Variants in DAG1 observed in about 807,000 individuals in gnomAD.
DAG1 encodes dystroglycan 1 (dystrophin-associated glycoprotein 1).
In DAG1, 8 loss-of-function variants were observed where a neutral mutation model predicts 46.1. The observed-to-expected ratio is 0.17, with a 90% CI of 0.10 to 0.31. The LOEUF (loss-of-function observed/expected upper bound fraction) is 0.31, where lower values mean the gene tolerates loss of function less well. DAG1 is among the 10% of genes least tolerant of loss of function. The pLI is 1.00. For missense variants in DAG1, 1,003 were observed against 1,189.9 expected, an observed-to-expected ratio of 0.84 and a Z score of 2.31; for synonymous variants, 495 against 481.8, an observed-to-expected ratio of 1.03 and a Z score of -0.36.
intron 1 of DAG1, among the ~76,000 whole-genome samples, chr3:49,479,803 A>G (rs2049816810): frequency 1.4e-5 from 2 of 145,042 alleles, no homozygotes; most frequent in African/African-American, 5.1e-5. Flanking sequence ...ACACCCGGCT[A>G]ATTTTTTTTT....
chr3:49,528,275 A>ATTTTTTTTTTTTTTTTTTTTTTTTTTTTT lies in DAG1; in HGVS notation c.286-2495_286-2494insTTTTTTTTTTTTTTTTTTTTTTTTTTTTT, dbSNP rs147292984. Among the ~76,000 whole-genome samples, 14 of 66,630 alleles carry ATTTTTTTTTTTTTTTTTTTTTTTTTTTTT rather than the reference A, an allele frequency of 2.1e-4. 3 individuals carry two copies. Among genetic ancestry groups the ATTTTTTTTTTTTTTTTTTTTTTTTTTTTT allele is most frequent in the African/African-American group, 4.8e-4 (7 of 14,516 alleles). 43.7% of individuals were successfully genotyped at this position (66,630 alleles called of 152,430 possible). A position where few individuals can be genotyped will look rare whatever the true frequency, so the allele number is the denominator to read the frequency against. ...CAGCCAAAACATTTGAAATAGTGTGATTTTTTTTTTTTTTTTTTTTTTTTT... is the reference window on the plus strand; with the variant it reads ...CAGCCAAAACATTTGAAATAGTGTGATTTTTTTTTTTTTTTTTTTTTTTTTTTTTTTTTTTTTTTTTTTTTTTTTTTTTT... On this transcript the variant is annotated intron_variant, in intron 2 of 2. Coordinates refer to ENST00000308775, the MANE Select transcript of DAG1 (RefSeq NM_004393.6).
intron 1 of DAG1, among the ~76,000 whole-genome samples, chr3:49,479,952 C>CTTT (rs1265876485): frequency 1.1e-5 from 1 of 90,690 alleles, no homozygotes; most frequent in Non-Finnish European, 2.3e-5. Flanking sequence ...ATATAACATT[C>CTTT]TTTTTTTTTT....
rs541616297 is a variant in DAG1 at position 49,527,547 on chromosome 3, C to T, written c.286-3250C>T. Among the ~76,000 whole-genome samples the T allele has an allele frequency of 7.4e-5, 11 of 148,304 alleles. No individual in the cohort carries two copies. The East Asian group carries it at 1.2e-3, about 16-fold the overall frequency. The stretch of plus-strand genomic sequence containing the variant: ...AAAAAAAAAAAAAACCAACAAAACA[C>T]GAAAAATTAGCCAGGCGTGGTGGCG... On this transcript the variant is annotated intron_variant, in intron 2 of 2. Transcript: ENST00000308775.
chr3:49,513,600 G>A (rs1042794491), intron 2 of DAG1, among the ~76,000 whole-genome samples: 1 of 151,996 alleles, frequency 6.6e-6, no homozygotes, highest in Admixed American at 6.6e-5. Flanking sequence ...TCTTGTGTTC[G>A]CCTCCTTTTC....
chr3:49,479,640 T>C (rs1324149279), intron 1 of DAG1, among the ~76,000 whole-genome samples: 7 of 122,526 alleles, frequency 5.7e-5, no homozygotes, highest in African/African-American at 1.9e-4. Context: ...TTTTTTTTTT[T>C]TTTTTTTTTT....
At chr3:49,493,297 G>A (rs9856102) in intron 1 of DAG1, among the ~76,000 whole-genome samples, 1 of 152,048 alleles carries the variant, frequency 6.6e-6, no homozygotes, top group Non-Finnish European at 1.5e-5. Flanking sequence ...ATCAACCTTA[G>A]CCTACCAAAG....
intron 1 of DAG1, among the ~76,000 whole-genome samples, chr3:49,473,346 C>T (rs778618680): frequency 6.6e-6 from 1 of 151,714 alleles, no homozygotes; most frequent in Non-Finnish European, 1.5e-5. Context: ...GGCGTGAACC[C>T]GGGAGGCGGA....
intron 2 of DAG1, among the ~76,000 whole-genome samples, chr3:49,519,288 A>C (rs1395622152): frequency 1.3e-5 from 2 of 152,132 alleles, no homozygotes; most frequent in Non-Finnish European, 2.9e-5. Flanking sequence ...CAGATGTCTC[A>C]TTTTGGTAGA....
Position 49,533,058 on chromosome 3 carries a change from G to A in DAG1, c.2547G>A (p.Glu849=). ...CTCTGAACCAGGACACCATGGGAGAGTACACGCCCCTGCGGGATGAGGATC... is the reference window on the plus strand; with the variant it reads ...CTCTGAACCAGGACACCATGGGAGAATACACGCCCCTGCGGGATGAGGATC... The part of the protein sequence containing the change: ...TTPLNQDTMG[E]YTPLRDEDPN... The change falls in exon 3 of 3, where the codon GAG becomes GAA. Residue 849 remains glutamate (E), a synonymous_variant. Transcript: ENST00000308775. The A allele has an allele frequency of 1.9e-6, 3 of 1,614,152 alleles. No homozygotes were observed. The highest frequency in any genetic ancestry group is 2.5e-6 in the Non-Finnish European group (3 of 1,180,014).
rs1301445751 is a variant in DAG1 at position 49,480,614 on chromosome 3, A to G, written c.-117+10181A>G. ...GGCGCATATAACATTTCTAATGGTT[A>G]ATCTGTCCCTAATTCTTAGACAGTT... On this transcript the variant is annotated intron_variant, in intron 1 of 2. Coordinates refer to ENST00000308775, the MANE Select transcript of DAG1 (RefSeq NM_004393.6). 2.1e-5 allele frequency among the ~76,000 whole-genome samples: 3 copies of G among 143,478 alleles called. 1 individual carries two copies. The highest frequency in any genetic ancestry group is 4.8e-5 in the Non-Finnish European group (3 of 62,626). The allele number at this position is 143,478 out of a possible 152,430, so 94.1% of individuals were successfully genotyped here.
At chr3:49,479,271 G>C (rs1369624949) in intron 1 of DAG1, among the ~76,000 whole-genome samples, 1 of 151,620 alleles carries the variant, frequency 6.6e-6, no homozygotes, top group Non-Finnish European at 1.5e-5. Flanking sequence ...GTCTCCTCCA[G>C]AGATGGCCCT....
Position 49,531,941 on chromosome 3 carries a change from C to T in DAG1, c.1430C>T (p.Pro477Leu). 12 of 1,614,228 alleles carry T rather than the reference C, an allele frequency of 7.4e-6. No individual in the cohort carries two copies. Among genetic ancestry groups the T allele is most frequent in the Non-Finnish European group, 1.0e-5 (12 of 1,180,042 alleles). Residue 477 changes from proline (P) to leucine (L), a missense_variant, in exon 3 of 3, where the codon CCT (proline) becomes CTT (leucine). Physicochemically the swap from Pro to Leu is moderately conservative, Grantham distance 98. This residue lies in a region of DAG1 where 755 missense variants were observed against 854.1 expected (regional missense o/e 0.88). Coordinates refer to ENST00000308775, the MANE Select transcript of DAG1 (RefSeq NM_004393.6). This position sits in a 1 kb window ranked among gnomAD's most constrained non-coding sequence, Gnocchi z 7.0. ...ACCAGATTGGAAACTGCCTCACCGC[C>T]TACTCGTATTCGCACCACCACCAGT... is the stretch of plus-strand genomic sequence containing the variant. Reference protein sequence around the residue: ...SITRLETASPPTRIRTTTSGV... With the variant: ...SITRLETASPLTRIRTTTSGV...
At position 49,510,503 on chromosome 3, in the gene DAG1, A is replaced by C. The variant is rs1269289059; in HGVS notation, c.-32A>C. On this transcript the variant is annotated 5_prime_UTR_variant, in exon 2 of 3. Coordinates refer to ENST00000308775, the MANE Select transcript of DAG1 (RefSeq NM_004393.6). Reference sequence around the variant, plus strand: ...AAGTCACTTGCTTCCTTACTTAGCAAGACTATCGACTTGAGCAAACTTGGA... The same window carrying C: ...AAGTCACTTGCTTCCTTACTTAGCACGACTATCGACTTGAGCAAACTTGGA... 6.2e-7 allele frequency: 1 copy of C among 1,609,306 alleles called. No individual in the cohort carries two copies. The highest frequency in any genetic ancestry group is 8.5e-7 in the Non-Finnish European group (1 of 1,178,838).
intron 1 of DAG1, among the ~76,000 whole-genome samples, chr3:49,500,174 G>A (rs906136124): frequency 2.6e-5 from 4 of 151,844 alleles, no homozygotes; most frequent in Non-Finnish European, 5.9e-5. Context: ...CACCATGCCC[G>A]ACTAATTTTT....
chr3:49,487,289 C>G (rs2050062107), intron 1 of DAG1: 1 of 152,242 alleles, frequency 6.6e-6, no homozygotes, highest in African/African-American at 2.4e-5. Flanking sequence ...CTGCACTGGC[C>G]TAGGACAGAC....
At chr3:49,529,385 AGGG>A (rs973237319) in intron 2 of DAG1, among the ~76,000 whole-genome samples, 1 of 152,152 alleles carries the variant, frequency 6.6e-6, no homozygotes, top group Admixed American at 6.5e-5. Context: ...ATTAGTTTAA[AGGG>A]GGGAAATTAT....
At chr3:49,483,725 A>C (rs1468638937) in intron 1 of DAG1, among the ~76,000 whole-genome samples, 1 of 152,068 alleles carries the variant, frequency 6.6e-6, no homozygotes, top group Non-Finnish European at 1.5e-5. Flanking sequence ...GCCTACCTGG[A>C]GTGTGGTGGC....
rs770282350 is a variant in DAG1 at position 49,532,269 on chromosome 3, G to A, written c.1758G>A (p.Ser586=). ...FMHATDKGGL[S]AVDAFEIHVH... ...ATGCCACAGACAAGGGGGGCCTGTC[G>A]GCTGTGGATGCCTTCGAGATCCACG... is the stretch of plus-strand genomic sequence containing the variant. The change falls in exon 3 of 3, where the codon TCG becomes TCA. Residue 586 remains serine (S), a synonymous_variant. Transcript: ENST00000308775. The surrounding 1 kb of genome is among the most constrained non-coding windows in gnomAD (Gnocchi z 5.4). The A allele has an allele frequency of 4.3e-6, 7 of 1,614,004 alleles. No homozygotes were observed. Among genetic ancestry groups the A allele is most frequent in the Middle Eastern group, 1.6e-4 (1 of 6,062 alleles).
At chr3:49,487,994 G>A (rs926984438) in intron 1 of DAG1, among the ~76,000 whole-genome samples, 7 of 152,012 alleles carry the variant, frequency 4.6e-5, no homozygotes, top group African/African-American at 1.4e-4. Context: ...GAGCCACCAC[G>A]CCCGGCCAGC....
Sources: gnomAD v4.1 joint callset for allele counts (sites outside exome capture counted in the v4.1 genomes callset) on GRCh38, gnomAD v4.1.1 for gene constraint, gnomAD v4.1.1 regional missense constraint, Gnocchi (gnomAD v3.1) non-coding constraint, MANE v1.5 for transcripts, NCBI Gene and HGNC (gene_info 2026-07-23, HGNC 2026-07-21) for gene names.